Variants in ADAMTSL2 observed in about 807,000 individuals in gnomAD.
The protein encoded by ADAMTSL2 is ADAMTS-like protein 2.
A neutral mutation model predicts 117.0 loss-of-function variants in ADAMTSL2; 55 were observed. The ratio of observed to expected loss-of-function variants is 0.47; its 90% CI spans 0.38 to 0.59. The LOEUF (loss-of-function observed/expected upper bound fraction) is 0.59, where lower values mean the gene tolerates loss of function less well. Ranked by LOEUF, ADAMTSL2 falls within the 20% of genes least tolerant of loss-of-function variation. The pLI, the probability that ADAMTSL2 is intolerant of heterozygous loss-of-function variation, is 0.00. For synonymous variants in ADAMTSL2, 572 were observed against 566.4 expected, an observed-to-expected ratio of 1.01 and a Z score of -0.14; for missense variants, 1,182 against 1,354.5, an observed-to-expected ratio of 0.87 and a Z score of 2.00.
Position 133,574,798 on chromosome 9 carries a change from G to A in ADAMTSL2, c.2790G>A (p.Val930=). The A allele has an allele frequency of 6.2e-7, 1 of 1,613,792 alleles. No homozygotes were observed. Among genetic ancestry groups the A allele is most frequent in the Non-Finnish European group, 8.5e-7 (1 of 1,180,008 alleles). The change falls in exon 19 of 19, where the codon GTG becomes GTA. Residue 930 remains valine (V), a synonymous_variant. Transcript: ENST00000651351. ...CCAACTGTGCCCTGGCCATCAAAGT[G>A]AACCTCTGCGGGCACTGGTACTACA... ...PGTNCALAIK[V]NLCGHWYYSK...
chr9:133,551,916 G>A (rs1267695478), intron 9 of ADAMTSL2, among the ~76,000 whole-genome samples: 2 of 144,352 alleles, frequency 1.4e-5, no homozygotes, highest in Non-Finnish European at 3.0e-5. Context: ...TGCAACCTCC[G>A]CCTCCTAGGT....
intron 12 of ADAMTSL2, among the ~76,000 whole-genome samples, chr9:133,565,035 T>C (rs1830931412): frequency 6.6e-6 from 1 of 152,026 alleles, no homozygotes; most frequent in African/African-American, 2.4e-5. Flanking sequence ...GGAGCGTGAG[T>C]TTGGCCTCGG....
At chr9:133,543,888 G>A (rs921211801) in intron 7 of ADAMTSL2, among the ~76,000 whole-genome samples, 34 of 152,320 alleles carry the variant, frequency 2.2e-4, no homozygotes, top group African/African-American at 8.2e-4. Flanking sequence ...CCTCCGCACG[G>A]GCCTGGGGGC....
At chr9:133,571,393 C>T (rs1005468328) in intron 17 of ADAMTSL2, among the ~76,000 whole-genome samples, 20 of 152,310 alleles carry the variant, frequency 1.3e-4, no homozygotes, top group Admixed American at 8.5e-4. Flanking sequence ...CCAAGGGGCC[C>T]TGGGCAGGGA....
At chr9:133,538,477 C>A in intron 4 of ADAMTSL2, 53 bp downstream of exon 4, 1 of 1,598,300 alleles carries the variant, frequency 6.3e-7, no homozygotes, top group Non-Finnish European at 8.6e-7. Context: ...TGTCATCATG[C>A]AGTTTTCAGG....
intron 5 of ADAMTSL2, 107 bp from the exon 6 acceptor site, chr9:133,540,491 C>T: frequency 7.0e-7 from 1 of 1,432,554 alleles, no homozygotes; most frequent in South Asian, 1.2e-5. Flanking sequence ...GCCTGAGTTG[C>T]CCCATCTATG....
At chr9:133,560,552 G>A (rs1368900185) in intron 11 of ADAMTSL2, among the ~76,000 whole-genome samples, 1 of 152,270 alleles carries the variant, frequency 6.6e-6, no homozygotes, top group East Asian at 1.9e-4. Context: ...TGGCTGCATA[G>A]GCTCCAGCCA....
upstream of ADAMTSL2, among the ~76,000 whole-genome samples, chr9:133,533,163 CTGTGTGTGTGTG>C (rs71378583): frequency 3.1e-3 from 456 of 148,120 alleles, 5 homozygotes; most frequent in African/African-American, 0.01. Flanking sequence ...GTGTGTGTGC[CTGTGTGTGTGTG>C]TGTGTGTGTG....
At position 133,568,379 on chromosome 9, in the gene ADAMTSL2, G is replaced by A. The variant is rs1206441163; in HGVS notation, c.1981G>A (p.Val661Met). The A allele has an allele frequency of 2.6e-5, 42 of 1,605,712 alleles. No homozygotes were observed. The highest frequency in any genetic ancestry group is 4.0e-5 in the African/African-American group (3 of 74,856). The change falls in exon 14 of 19, where the codon GTG becomes ATG. Residue 661 changes from valine (V) to methionine (M), a missense_variant. Coordinates refer to ENST00000651351, the MANE Select transcript of ADAMTSL2 (RefSeq NM_014694.4). ...KMLSPGFDSSVYSDLCEAAEA... is the reference protein window; with the variant it reads ...KMLSPGFDSSMYSDLCEAAEA... ...GCTCTCGCCCGGCTTCGACAGCTCCGTGTACAGCGACCTGTGCGAGGCAGC... is the reference window on the plus strand; with the variant it reads ...GCTCTCGCCCGGCTTCGACAGCTCCATGTACAGCGACCTGTGCGAGGCAGC...
chr9:133,561,173 CT>C (rs1830719062), intron 11 of ADAMTSL2, 24 bp from the exon 12 acceptor site: 2 of 1,581,648 alleles, frequency 1.3e-6, no homozygotes, highest in African/African-American at 2.7e-5. Context: ...GTCTCATCAC[CT>C]TCCCTGCTTG....
chr9:133,536,514 CCTT>C (rs1230067305), intron 1 of ADAMTSL2, 46 bp from the exon 2 acceptor site: 4 of 1,501,856 alleles, frequency 2.7e-6, no homozygotes, highest in African/African-American at 2.8e-5. Context: ...TCACCAAGCT[CCTT>C]CTTGCTAAGC....
chr9:133,573,539 TG>T (rs1394731359), intron 17 of ADAMTSL2, among the ~76,000 whole-genome samples: 1 of 147,820 alleles, frequency 6.8e-6, no homozygotes, highest in African/African-American at 2.5e-5. Context: ...CTGGACCCCC[TG>T]GGAAATGAGA....
At position 133,544,484 on chromosome 9, in the gene ADAMTSL2, A is replaced by G; in HGVS notation, c.697A>G (p.Thr233Ala). 1 of 1,614,028 alleles carries G rather than the reference A, an allele frequency of 6.2e-7. No homozygotes were observed. The highest frequency in any genetic ancestry group is 8.5e-7 in the Non-Finnish European group (1 of 1,179,932). Residue 233 changes from threonine (T) to alanine (A), a missense_variant, in exon 8 of 19, where the codon ACC becomes GCC. Around this residue, in one of 3 missense-constraint regions of ADAMTSL2, gnomAD observed 372 missense variants for 463.4 expected, o/e 0.80. Coordinates refer to ENST00000651351, the MANE Select transcript of ADAMTSL2 (RefSeq NM_014694.4). ...GNAHLGYSLV[T>A]HIPAGARDIQ... ...TTTGCCTCCAGGTTACTCTCTGGTG[A>G]CCCACATCCCGGCTGGTGCCCGAGA...
chr9:133,550,920 TGAAAG>T (rs1353739425), intron 9 of ADAMTSL2, among the ~76,000 whole-genome samples: 4 of 152,098 alleles, frequency 2.6e-5, no homozygotes, highest in Non-Finnish European at 2.9e-5. Flanking sequence ...AATGAACAAA[TGAAAG>T]GAAGACCTCC....
rs374831059 is a variant in ADAMTSL2 at position 133,557,471 on chromosome 9, C to T, written c.1649+1541C>T. Among the ~76,000 whole-genome samples, 986 of 152,196 alleles carry T rather than the reference C, an allele frequency of 6.5e-3. 10 individuals are homozygous for T. Among genetic ancestry groups the T allele is most frequent in the African/African-American group, 0.023 (944 of 41,522 alleles). ...TGCTCAAAGCCTTGGGTAGGTGGGGCCTGTGGCTGGTTCTCAGGACTCGGG... is the reference window on the plus strand; with the variant it reads ...TGCTCAAAGCCTTGGGTAGGTGGGGTCTGTGGCTGGTTCTCAGGACTCGGG... On this transcript the variant is annotated intron_variant, in intron 11 of 18. Transcript: ENST00000651351. The surrounding 1 kb of genome is among the most constrained non-coding windows in gnomAD (Gnocchi z 5.2).
chr9:133,536,215 TCTC>T (rs1372546641), intron 1 of ADAMTSL2, among the ~76,000 whole-genome samples: 2 of 152,308 alleles, frequency 1.3e-5, no homozygotes, highest in African/African-American at 4.8e-5. Context: ...CAGAGGCCAT[TCTC>T]CTGCGAGGCC....
Position 133,555,653 on chromosome 9 carries a change from A to AGC in ADAMTSL2, c.1372_1373insGC (p.Ile458SerfsTer13). 1 of 1,613,720 alleles carries AGC rather than the reference A, an allele frequency of 6.2e-7. No homozygotes were observed. The highest frequency in any genetic ancestry group is 8.5e-7 in the Non-Finnish European group (1 of 1,180,034). On this transcript the variant is annotated frameshift_variant, in exon 11 of 19. Coordinates refer to ENST00000651351, the MANE Select transcript of ADAMTSL2 (RefSeq NM_014694.4). LOFTEE classifies it high-confidence loss of function. ...CCAGGAGTTCTTCTCGGCTAACGCC[A>AGC]TCTCTGACCAGCTGCTGGGCGCAGG...
In ADAMTSL2 at chr9:133,539,886, C is replaced by G; in HGVS notation, c.412+13C>G. On this transcript the variant is annotated intron_variant, in intron 5 of 18. Coordinates refer to ENST00000651351, the MANE Select transcript of ADAMTSL2 (RefSeq NM_014694.4). ...CCTCTGTACCCGGGTACCTGCCGCC[C>G]TGGGGACCCACCTTGCAGGGAGCTG... 1 of 1,550,552 alleles carries G rather than the reference C, an allele frequency of 6.4e-7. No homozygotes were observed. The highest frequency in any genetic ancestry group is 8.7e-7 in the Non-Finnish European group (1 of 1,146,730).
Position 133,570,426 on chromosome 9 carries a change from C to A in ADAMTSL2, c.2511C>A (p.Cys837Ter). ...CGCAGACGCGCAGTGGCCCCGAGTG[C>A]GGGCTCGCCAAGAAGCCTCCCGAGG... ...GKPQTRSGPE[C>*]GLAKKPPEES... Residue 837 changes from cysteine (C) to a stop codon, truncating the protein, a stop_gained, in exon 17 of 19, where the codon TGC (cysteine) becomes TGA (stop). Coordinates refer to ENST00000651351, the MANE Select transcript of ADAMTSL2 (RefSeq NM_014694.4). LOFTEE classifies it high-confidence loss of function. The A allele has an allele frequency of 6.2e-7, 1 of 1,603,630 alleles. No individual in the cohort carries two copies. Among genetic ancestry groups the A allele is most frequent in the Non-Finnish European group, 8.5e-7 (1 of 1,175,858 alleles).
Sources: gnomAD v4.1 joint callset for allele counts (sites outside exome capture counted in the v4.1 genomes callset) on GRCh38, gnomAD v4.1.1 for gene constraint, gnomAD v4.1.1 regional missense constraint, Gnocchi (gnomAD v3.1) non-coding constraint, MANE v1.5 for transcripts, NCBI Gene and HGNC (gene_info 2026-07-23, HGNC 2026-07-21) for gene names.